Variants in PRDM15 observed in about 807,000 individuals in gnomAD.
PRDM15 encodes PR domain zinc finger protein 15.
PRDM15 carries 64 observed loss-of-function variants against 128.6 expected under a neutral mutation model. That is an observed-to-expected ratio of 0.50 (90% CI 0.41 to 0.61). PRDM15 has a LOEUF of 0.61. Ranked by LOEUF, PRDM15 falls within the 20% of genes least tolerant of loss-of-function variation. PRDM15 has a pLI of 0.00. For missense variants in PRDM15, 1,242 were observed against 1,569.1 expected (o/e 0.79, Z 3.52); for synonymous variants, 615 against 621.8 (o/e 0.99, Z 0.16).
chr21:41,801,246 G>T lies in PRDM15; in HGVS notation c.3420C>A (p.Ser1140Arg), dbSNP rs1460517553. Residue 1140 changes from serine to arginine, a missense_variant, in exon 24 of 24, where the codon AGC becomes AGA. Transcript: ENST00000398548. ...GAGTCTCCCGGAACGCAGCTCAGTA[G>T]CTGTACATCTGCTGCTGCTGCTGCT... ...QAEQQQQQMY[S>R]Y 6.6e-7 allele frequency: 1 copy of T among 1,523,248 alleles called. No homozygotes were observed. Among genetic ancestry groups the T allele is most frequent in the African/African-American group, 1.4e-5 (1 of 72,024 alleles). 94.4% of individuals were successfully genotyped at this position (1,523,248 alleles called of 1,614,324 possible). A position where few individuals can be genotyped will look rare whatever the true frequency, so the allele number is the denominator to read the frequency against.
intron 8 of PRDM15, 28 bp from the exon 9 acceptor site, chr21:41,836,677 A>C (rs1240243055): frequency 3.8e-6 from 6 of 1,568,408 alleles, no homozygotes; most frequent in African/African-American, 1.4e-5. Flanking sequence ...TAAGTTGGGA[A>C]AAGACAGGTG....
chr21:41,819,568 G>A lies in PRDM15; in HGVS notation c.2260+14C>T. On this transcript the variant is annotated intron_variant, in intron 18 of 23. Transcript: ENST00000398548. The stretch of plus-strand genomic sequence containing the variant: ...TGGCTGAGCCTGGCCCATGTCCCCA[G>A]CACCCGTACCCACCTTTCCCACACT... 1 of 1,577,336 alleles carries A rather than the reference G, an allele frequency of 6.3e-7. No individual in the cohort carries two copies. Among genetic ancestry groups the A allele is most frequent in the Non-Finnish European group, 8.6e-7 (1 of 1,158,264 alleles).
intron 1 of PRDM15, among the ~76,000 whole-genome samples, chr21:41,874,345 CAA>C (rs1453264777): frequency 6.6e-6 from 1 of 151,690 alleles, no homozygotes; most frequent in Non-Finnish European, 1.5e-5. Context: ...CCCAGGGAGA[CAA>C]GAGGCATCCA....
At chr21:41,855,605 A>G (rs2063555710) in intron 4 of PRDM15, among the ~76,000 whole-genome samples, 1 of 152,202 alleles carries the variant, frequency 6.6e-6, no homozygotes. Context: ...GTGTGCTCCC[A>G]GCTGGCGGCA....
At chr21:41,878,609 C>A in intron 1 of PRDM15, 1 of 741,858 alleles carries the variant, frequency 1.3e-6, no homozygotes, top group Non-Finnish European at 1.9e-6. Flanking sequence ...AGGCACGCGT[C>A]ACCTGTCCAT....
intron 4 of PRDM15, among the ~76,000 whole-genome samples, chr21:41,855,087 A>C (rs755814607): frequency 6.6e-6 from 1 of 152,120 alleles, no homozygotes; most frequent in Non-Finnish European, 1.5e-5. Context: ...CCTGAGTGTT[A>C]CTCACGGCCC....
At chr21:41,835,790 T>A (rs1201832113) in intron 10 of PRDM15, among the ~76,000 whole-genome samples, 1 of 151,848 alleles carries the variant, frequency 6.6e-6, no homozygotes, top group Non-Finnish European at 1.5e-5. Flanking sequence ...TGTGGGCATC[T>A]GACCAGGACG....
chr21:41,824,424 C>T (rs920723846), intron 13 of PRDM15, among the ~76,000 whole-genome samples: 2 of 152,226 alleles, frequency 1.3e-5, no homozygotes, highest in African/African-American at 4.8e-5. Flanking sequence ...CTGGAAACAA[C>T]AAAGAATTCA....
rs1601774189 is a variant in PRDM15 at position 41,810,580 on chromosome 21, C to G, written c.2476+173G>C. On this transcript the variant is annotated intron_variant, in intron 20 of 23. Coordinates refer to ENST00000398548, the MANE Select transcript of PRDM15 (RefSeq NM_001040424.3). The surrounding 1 kb of genome is among the most constrained non-coding windows in gnomAD (Gnocchi z 6.4). The stretch of plus-strand genomic sequence containing the variant: ...AAATTCAAGAAGGGATACTTGAAAG[C>G]TGTGGCGGGTTGACCTTCAGAGGCC... 3.1e-6 allele frequency: 2 copies of G among 645,654 alleles called. No individual in the cohort carries two copies. The highest frequency in any genetic ancestry group is 3.6e-5 in the African/African-American group (2 of 54,798). The allele number at this position is 645,654 out of a possible 1,614,324, so 40.0% of individuals were successfully genotyped here. A position where few individuals can be genotyped will look rare whatever the true frequency, so the allele number is the denominator to read the frequency against.
At chr21:41,852,735 C>CG (rs2063467873) in intron 5 of PRDM15, among the ~76,000 whole-genome samples, 1 of 152,224 alleles carries the variant, frequency 6.6e-6, no homozygotes, top group South Asian at 2.1e-4. Context: ...CACCAACCCT[C>CG]CCCAGCAGCA....
rs1320144876 is a variant in PRDM15 at position 41,862,837 on chromosome 21, G to T, written c.-9-2465C>A. 6.6e-6 allele frequency among the ~76,000 whole-genome samples: 1 copy of T among 152,170 alleles called. No homozygotes were observed. The highest frequency in any genetic ancestry group is 1.5e-5 in the Non-Finnish European group (1 of 68,038). On this transcript the variant is annotated intron_variant, in intron 1 of 23. Transcript: ENST00000398548. The surrounding 1 kb of genome is among the most constrained non-coding windows in gnomAD (Gnocchi z 4.1). Reference sequence around the variant, plus strand: ...CATCCCAGAACAAGGCACACAGGAAGTACTGTTTCAGGGAAAAGGAGAGGA... The same window carrying T: ...CATCCCAGAACAAGGCACACAGGAATTACTGTTTCAGGGAAAAGGAGAGGA...
In PRDM15 at chr21:41,810,855, A is replaced by AT; in HGVS notation, c.2393-20dup. On this transcript the variant is annotated intron_variant, in intron 19 of 23. Transcript: ENST00000398548. This position sits in a 1 kb window ranked among gnomAD's most constrained non-coding sequence, Gnocchi z 6.4. ...TTAATCCCTGCAGAGAAAGGCGCACATAACTTCCTACGTTTAATGAGTGTT... is the reference window on the plus strand; with the variant it reads ...TTAATCCCTGCAGAGAAAGGCGCACATTAACTTCCTACGTTTAATGAGTGTT... The AT allele has an allele frequency of 6.2e-7, 1 of 1,610,574 alleles. No individual in the cohort carries two copies. The highest frequency in any genetic ancestry group is 8.5e-7 in the Non-Finnish European group (1 of 1,176,822).
intron 13 of PRDM15, 28 bp from the exon 14 acceptor site, chr21:41,823,477 G>A: frequency 6.5e-7 from 1 of 1,543,302 alleles, no homozygotes; most frequent in Middle Eastern, 1.8e-4. Context: ...CATGGTGAGG[G>A]GCTGCGGCGT....
intron 11 of PRDM15, chr21:41,834,572 G>C: frequency 6.5e-7 from 1 of 1,548,110 alleles, no homozygotes; most frequent in Non-Finnish European, 8.7e-7. Flanking sequence ...GTCCTAGAGA[G>C]AGGGGGACAC....
At chr21:41,835,897 C>A (rs2062861730) in intron 10 of PRDM15, among the ~76,000 whole-genome samples, 1 of 151,976 alleles carries the variant, frequency 6.6e-6, no homozygotes, top group South Asian at 2.1e-4. Context: ...CACCTGGGCA[C>A]CCACAGCCCT....
chr21:41,851,426 G>A (rs919951960), intron 5 of PRDM15, among the ~76,000 whole-genome samples: 1 of 151,648 alleles, frequency 6.6e-6, no homozygotes, highest in African/African-American at 2.4e-5. Context: ...GACTCTGGTG[G>A]GCCCTGGGTG....
intron 5 of PRDM15, among the ~76,000 whole-genome samples, chr21:41,847,832 A>C (rs2063314864): frequency 6.6e-6 from 1 of 152,258 alleles, no homozygotes; most frequent in Non-Finnish European, 1.5e-5. Flanking sequence ...AAGCACCTCT[A>C]TCCCTCAGTC....
chr21:41,815,021 T>TG (rs2062001752), intron 19 of PRDM15: 2 of 153,338 alleles, frequency 1.3e-5, no homozygotes, highest in African/African-American at 4.9e-5. Flanking sequence ...TGAGAATGCC[T>TG]CGTGTTAGTG....
chr21:41,833,263 C>T (rs369676190), intron 11 of PRDM15, among the ~76,000 whole-genome samples: 3 of 152,164 alleles, frequency 2.0e-5, no homozygotes, highest in Non-Finnish European at 4.4e-5. Flanking sequence ...GGCACCACAA[C>T]AGGTCCCATG....
Sources: gnomAD v4.1 joint callset for allele counts (sites outside exome capture counted in the v4.1 genomes callset) on GRCh38, gnomAD v4.1.1 for gene constraint, Gnocchi (gnomAD v3.1) non-coding constraint, MANE v1.5 for transcripts, NCBI Gene and HGNC (gene_info 2026-07-23, HGNC 2026-07-21) for gene names.